The following NPC1 variants were observed in gnomAD, a reference collection of about 807,000 sequenced individuals.
NPC1 encodes Niemann-Pick C1 protein.
In NPC1, 85 loss-of-function variants were observed where a neutral mutation model predicts 140.4. The observed-to-expected ratio is 0.61, with a 90% CI of 0.51 to 0.72. NPC1 has a LOEUF of 0.72. Among genes scored for constraint, NPC1 ranks in the 30% least tolerant of loss-of-function variants. The pLI, the probability that NPC1 is intolerant of heterozygous loss-of-function variation, is 0.00. For missense variants in NPC1, 1,504 were observed against 1,623.8 expected (o/e 0.93, Z 1.27); for synonymous variants, 656 against 624.8 (o/e 1.05, Z -0.74).
intron 1 of NPC1, among the ~76,000 whole-genome samples, chr18:23,580,155 A>G (rs2059340504): frequency 6.6e-6 from 1 of 152,132 alleles, no homozygotes; most frequent in Non-Finnish European, 1.5e-5. Flanking sequence ...TTTCTCAGAT[A>G]CTCTATGCAG....
chr18:23,529,791 C>G, downstream of NPC1: 5 of 1,372,120 alleles, frequency 3.6e-6, no homozygotes, highest in South Asian at 1.2e-5. Flanking sequence ...TAGAAGATGA[C>G]TCATATGCTA....
At chr18:23,529,551 C>A, downstream of NPC1, 1 of 1,343,874 alleles carries the variant, frequency 7.4e-7, no homozygotes. Flanking sequence ...AAGATGGAAA[C>A]AAGGTGGGGG....
At chr18:23,507,923 C>T (rs1013003532) in intron 3 of NPC1, 6 of 1,488,344 alleles carry the variant, frequency 4.0e-6, no homozygotes, top group Admixed American at 1.9e-5. Flanking sequence ...AGTATGCCAA[C>T]GTAGGTTGGC....
At position 23,534,458 on chromosome 18, in the gene NPC1, GT is replaced by G; in HGVS notation, c.3578del (p.His1193ProfsTer49). The G allele has an allele frequency of 6.2e-7, 1 of 1,612,046 alleles. No homozygotes were observed. The highest frequency in any genetic ancestry group is 8.5e-7 in the Non-Finnish European group (1 of 1,178,636). ...TCAGGGTACTCACGGAGCTGCCCAT[GT>G]GGGCAAGTGCCTCTTCCGCGCGCTC... Reference protein sequence around the residue: ...RVERAEEALAHMGSSVFSGIT... With the variant: ...RVERAEEALAXMGSSVFSGIT... On this transcript the variant is annotated frameshift_variant, in exon 23 of 25. Transcript: ENST00000269228. LOFTEE classifies it high-confidence loss of function.
intron 1 of NPC1, among the ~76,000 whole-genome samples, chr18:23,577,993 G>A (rs908968976): frequency 6.6e-6 from 1 of 152,198 alleles, no homozygotes; most frequent in African/African-American, 2.4e-5. Flanking sequence ...ACACAGCCCC[G>A]GTTCCTGCTC....
At position 23,535,662 on chromosome 18, in the gene NPC1, A is replaced by G. The variant is rs749812002; in HGVS notation, c.3284T>C (p.Ile1095Thr). Reference protein sequence around the residue: ...YVFYEQYLTIIDDTIFNLGVS... With the variant: ...YVFYEQYLTITDDTIFNLGVS... ...ACCGAGGTTGAAGATAGTGTCGTCA[A>G]TGATGGTCAGGTACTGTTCGTAGAA... is the stretch of plus-strand genomic sequence containing the variant. The change falls in exon 22 of 25, where the codon ATT (isoleucine) becomes ACT (threonine). Residue 1095 changes from isoleucine to threonine, a missense_variant. By Grantham distance (89) the Ile-to-Thr change is moderately conservative. Coordinates refer to ENST00000269228, the MANE Select transcript of NPC1 (RefSeq NM_000271.5). 1.6e-5 allele frequency: 26 copies of G among 1,614,060 alleles called. No homozygotes were observed. Among genetic ancestry groups the G allele is most frequent in the African/African-American group, 4.0e-5 (3 of 74,934 alleles).
At chr18:23,567,663 T>A (rs189237187) in intron 4 of NPC1, among the ~76,000 whole-genome samples, 35 of 152,362 alleles carry the variant, frequency 2.3e-4, no homozygotes, top group Non-Finnish European at 4.9e-4. Flanking sequence ...TCTCCAGGTT[T>A]ATATGCATTT....
At chr18:23,545,172 T>C (rs2058771352) in intron 11 of NPC1, 23 bp from the exon 12 acceptor site, 4 of 1,534,826 alleles carry the variant, frequency 2.6e-6, no homozygotes, top group Non-Finnish European at 3.6e-6. Flanking sequence ...CAAAATGTTA[T>C]ATTTTTAGTT....
chr18:23,547,977 C>T (rs770973737), intron 11 of NPC1, 29 bp downstream of exon 11: 2 of 1,250,222 alleles, frequency 1.6e-6, no homozygotes, highest in Non-Finnish European at 1.2e-6. Flanking sequence ...AATGCAAGGA[C>T]AGTCTGCTCA....
chr18:23,563,257 T>C (rs1163270769), intron 4 of NPC1, among the ~76,000 whole-genome samples: 1 of 152,274 alleles, frequency 6.6e-6, no homozygotes, highest in East Asian at 1.9e-4. Flanking sequence ...ATATGTTTTG[T>C]TTATCCATAT....
chr18:23,575,550 G>A (rs1374140026), intron 1 of NPC1, among the ~76,000 whole-genome samples: 1 of 151,954 alleles, frequency 6.6e-6, no homozygotes, highest in African/African-American at 2.4e-5. Context: ...TCAAATAAGG[G>A]CCTATCTGTA....
intron 3 of NPC1, among the ~76,000 whole-genome samples, chr18:23,510,414 G>A (rs1219628709): frequency 6.6e-6 from 1 of 151,790 alleles, no homozygotes. Context: ...TTGGGAGACC[G>A]AGGTGGGCAG....
At chr18:23,572,004 T>C in intron 3 of NPC1, 70 bp downstream of exon 3, 2 of 856,830 alleles carry the variant, frequency 2.3e-6, no homozygotes, top group East Asian at 2.6e-5. Context: ...AAAGAATAAA[T>C]GGAAAGCTGA....
At chr18:23,519,007 C>T (rs1445881336), downstream of NPC1, 2 of 1,613,402 alleles carry the variant, frequency 1.2e-6, no homozygotes, top group South Asian at 1.1e-5. Context: ...TTTTCCCTCT[C>T]TCTCTGATTT....
At chr18:23,526,577 T>C (rs2058304088), downstream of NPC1, 2 of 1,586,138 alleles carry the variant, frequency 1.3e-6, no homozygotes, top group African/African-American at 1.4e-5. Flanking sequence ...GGGGAACCAC[T>C]TTTGGGCTTT....
At chr18:23,520,092 A>T, downstream of NPC1, 1 of 774,374 alleles carries the variant, frequency 1.3e-6, no homozygotes, top group East Asian at 2.6e-5. Context: ...TAGGGAGGAA[A>T]TGCAAACACA....
intron 4 of NPC1, among the ~76,000 whole-genome samples, chr18:23,564,535 C>G (rs1241627187): frequency 6.6e-6 from 1 of 151,886 alleles, no homozygotes; most frequent in African/African-American, 2.4e-5. Context: ...GTCACCCAGG[C>G]TGGTCTTGAA....
downstream of NPC1, chr18:23,520,371 C>A: frequency 7.3e-7 from 1 of 1,363,376 alleles, no homozygotes; most frequent in Non-Finnish European, 1.0e-6. Flanking sequence ...GCTGTGTTCT[C>A]ACCATGATCT....
chr18:23,529,986 A>G, downstream of NPC1: 5 of 1,534,110 alleles, frequency 3.3e-6, no homozygotes, highest in South Asian at 5.6e-5. Context: ...TTGTAGCTGA[A>G]TGATTTGGAA....
Sources: allele counts gnomAD v4.1 joint callset (sites outside exome capture counted in the v4.1 genomes callset), GRCh38; gene constraint gnomAD v4.1.1; transcripts MANE v1.5; gene names NCBI Gene and HGNC (gene_info 2026-07-23, HGNC 2026-07-21).